The following ZNF532 variants were observed in gnomAD, a reference collection of about 807,000 sequenced individuals.
ZNF532 encodes zinc finger protein 532.
ZNF532 carries 22 observed loss-of-function variants against 89.3 expected under a neutral mutation model. The observed-to-expected ratio is 0.25, with a 90% confidence interval of 0.18 to 0.35. The LOEUF (loss-of-function observed/expected upper bound fraction) is 0.35. ZNF532 is among the 10% of genes least tolerant of loss of function. ZNF532 has a pLI of 1.00. For missense variants in ZNF532, 1,132 were observed against 1,643.4 expected (o/e 0.69, Z 5.38); for synonymous variants, 606 against 649.6 (o/e 0.93, Z 1.02).
intron 7 of ZNF532, among the ~76,000 whole-genome samples, chr18:58,962,162 G>A (rs568341862): frequency 7.4e-4 from 113 of 151,786 alleles, no homozygotes; most frequent in African/African-American, 2.7e-3. Flanking sequence ...GGAGGTGAAG[G>A]TTGCGGTGAG....
chr18:58,882,036 C>T (rs906787191), intron 2 of ZNF532, among the ~76,000 whole-genome samples: 11 of 152,162 alleles, frequency 7.2e-5, no homozygotes. Context: ...CAGCTTACTG[C>T]AACCTCTGCC....
chr18:58,973,843 G>A (rs2066737827), intron 7 of ZNF532, among the ~76,000 whole-genome samples: 1 of 152,196 alleles, frequency 6.6e-6, no homozygotes, highest in Admixed American at 6.5e-5. Context: ...ACAGCGTGGA[G>A]GAATTATATG....
intron 3 of ZNF532, among the ~76,000 whole-genome samples, chr18:58,926,723 T>G (rs2061557229): frequency 6.6e-6 from 1 of 152,244 alleles, no homozygotes; most frequent in African/African-American, 2.4e-5. Flanking sequence ...GTGGTATATA[T>G]TTTTGGTGAG....
chr18:58,866,096 T>C (rs991689407), intron 2 of ZNF532, among the ~76,000 whole-genome samples: 1 of 152,208 alleles, frequency 6.6e-6, no homozygotes, highest in Non-Finnish European at 1.5e-5. Flanking sequence ...TGTCTTTTAT[T>C]GATTTTGGGG....
At chr18:58,975,425 CAG>C (rs2066934366) in intron 7 of ZNF532, among the ~76,000 whole-genome samples, 1 of 152,160 alleles carries the variant, frequency 6.6e-6, no homozygotes, top group African/African-American at 2.4e-5. Flanking sequence ...TCACCTGAAA[CAG>C]AGACCCGTAA....
intron 5 of ZNF532, among the ~76,000 whole-genome samples, chr18:58,943,775 A>G (rs201167932): frequency 1.3e-5 from 2 of 152,100 alleles, no homozygotes; most frequent in East Asian, 3.8e-4. Context: ...TCTTATGGTA[A>G]TGAAGTTTTG....
chr18:58,926,282 A>G (rs188903026), intron 3 of ZNF532: 1 of 152,252 alleles, frequency 6.6e-6, no homozygotes, highest in Admixed American at 6.5e-5. Flanking sequence ...CTTAGCCAAA[A>G]GGCCGATAAA....
intron 2 of ZNF532, 101 bp from the exon 3 acceptor site, chr18:58,918,170 T>C (rs1253645320): frequency 8.8e-7 from 1 of 1,130,046 alleles, no homozygotes; most frequent in South Asian, 1.6e-5. Context: ...CTCCTTGCTC[T>C]TTCTTAGTAA....
intron 3 of ZNF532, among the ~76,000 whole-genome samples, chr18:58,933,836 T>C (rs2062153698): frequency 6.6e-6 from 1 of 152,210 alleles, no homozygotes; most frequent in African/African-American, 2.4e-5. Flanking sequence ...TAAATTTGTA[T>C]ACTTGAACTT....
At chr18:58,876,025 C>A (rs1379441436) in intron 2 of ZNF532, among the ~76,000 whole-genome samples, 6 of 151,156 alleles carry the variant, frequency 4.0e-5, no homozygotes, top group Non-Finnish European at 8.8e-5. Flanking sequence ...CTCTGCCTCC[C>A]GGGTTCATGC....
chr18:58,959,208 A>G (rs1363602156), intron 7 of ZNF532, among the ~76,000 whole-genome samples: 1 of 151,696 alleles, frequency 6.6e-6, no homozygotes, highest in Non-Finnish European at 1.5e-5. Flanking sequence ...TGAATTACGG[A>G]ACTCTGGTGC....
At chr18:58,888,788 A>AT (rs1568246653) in intron 2 of ZNF532, among the ~76,000 whole-genome samples, 4 of 42,644 alleles carry the variant, frequency 9.4e-5, no homozygotes, top group Non-Finnish European at 1.5e-4. Flanking sequence ...TATATATAAA[A>AT]TATATATAAT....
intron 2 of ZNF532, among the ~76,000 whole-genome samples, chr18:58,887,877 C>T (rs1417198210): frequency 1.3e-5 from 2 of 152,178 alleles, no homozygotes; most frequent in African/African-American, 4.8e-5. Context: ...TGCTTTATCC[C>T]TGCGTCCCCC....
At position 58,985,074 on chromosome 18, in the gene ZNF532, T is replaced by C. The variant is rs1195234646; in HGVS notation, c.*608T>C. On this transcript the variant is annotated 3_prime_UTR_variant, in exon 10 of 10. Coordinates refer to ENST00000591808, the MANE Select transcript of ZNF532 (RefSeq NM_001375912.1). ...TCTTCAGGCCATGCCGAAGGGTGTT[T>C]AAAGCAGTCTTGCAGGTCGCTCCTT... 1 of 152,360 alleles carries C rather than the reference T, an allele frequency of 6.6e-6. No individual in the cohort carries two copies. Among genetic ancestry groups the C allele is most frequent in the Non-Finnish European group, 1.5e-5 (1 of 68,198 alleles). The allele number at this position is 152,360 out of a possible 1,614,324, so 9.4% of individuals were successfully genotyped here. A position where few individuals can be genotyped will look rare whatever the true frequency, so the allele number is the denominator to read the frequency against.
intron 7 of ZNF532, among the ~76,000 whole-genome samples, chr18:58,963,602 A>AGT (rs1568433987): frequency 8.0e-6 from 1 of 125,004 alleles, no homozygotes; most frequent in Non-Finnish European, 1.6e-5. Flanking sequence ...AAAAGAAAAA[A>AGT]ATGTGTGTGT....
Position 58,953,814 on chromosome 18 carries a change from A to G in ZNF532, c.3150+15A>G, listed in dbSNP as rs543447282. ...AGCACGGGAAGGTCAGTAAAGAATG[A>G]AAGCTGCTCTGGGTGAGTGCAAGAG... On this transcript the variant is annotated intron_variant, in intron 7 of 9. Transcript: ENST00000591808. 2 of 1,607,408 alleles carry G rather than the reference A, an allele frequency of 1.2e-6. No individual in the cohort carries two copies. The highest frequency in any genetic ancestry group is 2.7e-5 in the African/African-American group (2 of 74,736).
At chr18:58,940,954 A>ACACACACACACACT (rs1447946417) in intron 5 of ZNF532, among the ~76,000 whole-genome samples, 1 of 141,262 alleles carries the variant, frequency 7.1e-6, no homozygotes, top group Admixed American at 7.1e-5. Flanking sequence ...ACACACACAC[A>ACACACACACACACT]CACACTCTTT....
chr18:58,940,954 A>ACACACACACACACACACACG (rs1447946417), intron 5 of ZNF532, among the ~76,000 whole-genome samples: 1 of 141,262 alleles, frequency 7.1e-6, no homozygotes, highest in Non-Finnish European at 1.6e-5. Context: ...ACACACACAC[A>ACACACACACACACACACACG]CACACTCTTT....
At chr18:58,923,819 C>G (rs1357574905) in intron 3 of ZNF532, among the ~76,000 whole-genome samples, 1 of 152,058 alleles carries the variant, frequency 6.6e-6, no homozygotes, top group African/African-American at 2.4e-5. Context: ...GTACCGGCAA[C>G]TGTGCCAAGC....
Sources: allele counts gnomAD v4.1 joint callset (sites outside exome capture counted in the v4.1 genomes callset), GRCh38; gene constraint gnomAD v4.1.1; transcripts MANE v1.5; gene names NCBI Gene and HGNC (gene_info 2026-07-23, HGNC 2026-07-21).